The following RAP2A variants were observed in gnomAD, a reference collection of about 807,000 sequenced individuals.
RAP2A encodes the protein RAP2A, member of RAS oncogene family, also known as ras-related protein Rap-2a.
Under a neutral mutation model 15.1 loss-of-function variants are expected in RAP2A, and 5 were observed. The observed-to-expected ratio is 0.33, with a 90% CI of 0.17 to 0.70. The LOEUF is 0.70. RAP2A is among the 30% of genes least tolerant of loss of function. The pLI is 0.68. For missense variants in RAP2A, 111 were observed against 240.3 expected (o/e 0.46, Z 3.56); for synonymous variants, 110 against 99.7 (o/e 1.10, Z -0.62).
In RAP2A at chr13:97,435,156, A is replaced by G. The variant is rs150093001; in HGVS notation, c.314+372A>G. Among the ~76,000 whole-genome samples the G allele has an allele frequency of 8.0e-4, 122 of 152,264 alleles. 1 individual carries two copies. Among genetic ancestry groups the G allele is most frequent in the Middle Eastern group, 3.4e-3 (1 of 294 alleles). ...GACATTTGCAGACTGAACAACAACA[A>G]TCTGCCTTGGCAATGTTTGACAGTA... On this transcript the variant is annotated intron_variant, in intron 1 of 1. Transcript: ENST00000245304.
chr13:97,464,521 T>G lies in RAP2A; in HGVS notation c.*79T>G. ...AAACTCGCCTACTCCACTGCAGAAC[T>G]TGCAGAATGCGTGGTGTTAATCTAC... On this transcript the variant is annotated 3_prime_UTR_variant, in exon 2 of 2. Transcript: ENST00000245304. The G allele has an allele frequency of 2.3e-6, 3 of 1,297,258 alleles. No homozygotes were observed. The highest frequency in any genetic ancestry group is 3.3e-6 in the Non-Finnish European group (3 of 902,502). 80.4% of individuals were successfully genotyped at this position (1,297,258 alleles called of 1,614,324 possible).
chr13:97,434,812 G>C, intron 1 of RAP2A, 28 bp downstream of exon 1: 11 of 1,610,714 alleles, frequency 6.8e-6, no homozygotes, highest in South Asian at 1.1e-5. Flanking sequence ...GGGGCTTGGC[G>C]GCTGCACCCC....
intron 1 of RAP2A, among the ~76,000 whole-genome samples, chr13:97,453,030 AGTTTTT>A (rs2066709208): frequency 4.0e-5 from 6 of 151,214 alleles, no homozygotes; most frequent in Admixed American, 4.0e-4. Context: ...TTATGTTTAT[AGTTTTT>A]GTTTGTGTCT....
intron 1 of RAP2A, among the ~76,000 whole-genome samples, chr13:97,446,378 G>T (rs2066679706): frequency 6.6e-6 from 1 of 151,974 alleles, no homozygotes; most frequent in Admixed American, 6.6e-5. Context: ...CTTTTTTAAA[G>T]CTTTTGTTAA....
intron 1 of RAP2A, among the ~76,000 whole-genome samples, chr13:97,461,949 C>G (rs1456915112): frequency 7.1e-6 from 1 of 140,060 alleles, no homozygotes; most frequent in South Asian, 2.2e-4. Flanking sequence ...GGAGACAGAG[C>G]GAGACTCCGT....
chr13:97,463,365 T>C (rs1448308194), intron 1 of RAP2A, among the ~76,000 whole-genome samples: 1 of 152,238 alleles, frequency 6.6e-6, no homozygotes. Flanking sequence ...CTTACTATTT[T>C]TATTAGTTTA....
intron 1 of RAP2A, among the ~76,000 whole-genome samples, chr13:97,460,477 G>A (rs944550339): frequency 3.3e-5 from 5 of 152,128 alleles, no homozygotes; most frequent in African/African-American, 1.2e-4. Flanking sequence ...ACTAGCTAGA[G>A]GCAGCCCCTT....
At position 97,464,681 on chromosome 13, in the gene RAP2A, G is replaced by A. The variant is rs915888627; in HGVS notation, c.*239G>A. On this transcript the variant is annotated 3_prime_UTR_variant, in exon 2 of 2. Coordinates refer to ENST00000245304, the MANE Select transcript of RAP2A (RefSeq NM_021033.7). ...TATGCATCTGCAACTTTAAGGCATA[G>A]TCCATCGATCTACAGGGTGATCTCA... is the stretch of plus-strand genomic sequence containing the variant. The A allele has an allele frequency of 3.9e-5, 21 of 541,484 alleles. No homozygotes were observed. Among genetic ancestry groups the A allele is most frequent in the Middle Eastern group, 9.5e-4 (2 of 2,096 alleles). 33.5% of individuals were successfully genotyped at this position (541,484 alleles called of 1,614,324 possible).
At position 97,467,997 on chromosome 13, in the gene RAP2A, G is replaced by T. The variant is rs1355843243; in HGVS notation, c.*3555G>T. 6.6e-6 allele frequency: 1 copy of T among 152,048 alleles called. No homozygotes were observed. The allele number at this position is 152,048 out of a possible 1,614,324, so 9.4% of individuals were successfully genotyped here. On this transcript the variant is annotated 3_prime_UTR_variant, in exon 2 of 2. Coordinates refer to ENST00000245304, the MANE Select transcript of RAP2A (RefSeq NM_021033.7). ...AATAAATTTATTTAATGAAACTCTG[G>T]ATTTGCTTTGTTTTGTACATGCTCA...
Position 97,464,320 on chromosome 13 carries a change from G to T in RAP2A, c.430G>T (p.Glu144Ter). ...LAEEWGCPFM[E>*]TSAKSKTMVD... ...TGAAGAGTGGGGCTGCCCCTTTATG[G>T]AAACTTCCGCTAAGAGTAAAACAAT... Residue 144 changes from glutamate to a stop codon, truncating the protein, a stop_gained, in exon 2 of 2, where the codon GAA becomes TAA. Coordinates refer to ENST00000245304, the MANE Select transcript of RAP2A (RefSeq NM_021033.7). LOFTEE classifies it high-confidence loss of function. 1 of 1,614,236 alleles carries T rather than the reference G, an allele frequency of 6.2e-7. No homozygotes were observed. Among genetic ancestry groups the T allele is most frequent in the Non-Finnish European group, 8.5e-7 (1 of 1,180,046 alleles).
chr13:97,449,217 A>T (rs2066692024), intron 1 of RAP2A, among the ~76,000 whole-genome samples: 1 of 152,138 alleles, frequency 6.6e-6, no homozygotes, highest in Admixed American at 6.6e-5. Context: ...TAGATCTGCT[A>T]CATATTTTTA....
In RAP2A at chr13:97,465,770, T is replaced by C. The variant is rs2066768108; in HGVS notation, c.*1328T>C. On this transcript the variant is annotated 3_prime_UTR_variant, in exon 2 of 2. Transcript: ENST00000245304. ...AAGTATTTATCATTTGCATGACTAA[T>C]GGCACAGGAAAAACCTATTCATAAG... 6.6e-6 allele frequency: 1 copy of C among 152,236 alleles called. No individual in the cohort carries two copies. The highest frequency in any genetic ancestry group is 1.5e-5 in the Non-Finnish European group (1 of 68,042). 9.4% of individuals were successfully genotyped at this position (152,236 alleles called of 1,614,324 possible). A position where few individuals can be genotyped will look rare whatever the true frequency, so the allele number is the denominator to read the frequency against.
At chr13:97,447,805 A>G (rs748762917) in intron 1 of RAP2A, among the ~76,000 whole-genome samples, 4 of 152,186 alleles carry the variant, frequency 2.6e-5, no homozygotes, top group East Asian at 3.9e-4. Flanking sequence ...TTGTGTGTCT[A>G]TAAGTGTCAA....
chr13:97,461,771 A>G (rs1028518948), intron 1 of RAP2A, among the ~76,000 whole-genome samples: 3 of 151,542 alleles, frequency 2.0e-5, no homozygotes, highest in African/African-American at 4.8e-5. Flanking sequence ...AGACCATCCT[A>G]GCTAACACGA....
chr13:97,437,588 T>G (rs2066639809), intron 1 of RAP2A: 3 of 152,262 alleles, frequency 2.0e-5, no homozygotes, highest in Admixed American at 2.0e-4. Context: ...AATGTTACCC[T>G]TGATATAAAT....
chr13:97,450,533 G>A (rs538194170), intron 1 of RAP2A, among the ~76,000 whole-genome samples: 27 of 152,108 alleles, frequency 1.8e-4, no homozygotes, highest in African/African-American at 6.0e-4. Context: ...AGCATGCTTT[G>A]TTGACAGATT....
intron 1 of RAP2A, among the ~76,000 whole-genome samples, chr13:97,449,509 C>T (rs765333085): frequency 5.9e-5 from 9 of 152,182 alleles, no homozygotes; most frequent in Non-Finnish European, 1.2e-4. Context: ...TACACCTGAT[C>T]ATGCTTAGAG....
intron 1 of RAP2A, among the ~76,000 whole-genome samples, chr13:97,462,575 C>T (rs528199689): frequency 6.6e-6 from 1 of 152,184 alleles, no homozygotes; most frequent in South Asian, 2.1e-4. Flanking sequence ...ATCTAAGGCC[C>T]GAAATCGTAA....
rs1336646572 is a variant in RAP2A at position 97,468,202 on chromosome 13, TTATAAA to T, written c.*3767_*3772del. On this transcript the variant is annotated 3_prime_UTR_variant, in exon 2 of 2. Coordinates refer to ENST00000245304, the MANE Select transcript of RAP2A (RefSeq NM_021033.7). ...ATGTAAGAGACTGTAAAATCAGTTATTATAAATATAAACTTATCTCTACAAATGATT... is the reference window on the plus strand; with the variant it reads ...ATGTAAGAGACTGTAAAATCAGTTATTATAAACTTATCTCTACAAATGATT... 1.4e-5 allele frequency: 2 copies of T among 144,904 alleles called. No homozygotes were observed. The highest frequency in any genetic ancestry group is 2.1e-4 in the South Asian group (1 of 4,776). The allele number at this position is 144,904 out of a possible 1,614,324, so 9.0% of individuals were successfully genotyped here.
Sources: gnomAD v4.1 joint callset for allele counts (sites outside exome capture counted in the v4.1 genomes callset) on GRCh38, gnomAD v4.1.1 for gene constraint, MANE v1.5 for transcripts, NCBI Gene and HGNC (gene_info 2026-07-23, HGNC 2026-07-21) for gene names.